QTGAL: variants seen among roughly 807,000 people sequenced by gnomAD.
QTGAL encodes the protein queuosine-tRNA galactosyltransferase.
chr17:83,021,777 T>G, the QTGAL span, among the ~76,000 whole-genome samples: 1 of 152,230 alleles, frequency 6.6e-6, no homozygotes, highest in African/African-American at 2.4e-5. Context: ...AAAGCTACAC[T>G]GTAGCTTTAT....
the QTGAL span, chr17:82,978,745 G>A: frequency 6.6e-6 from 1 of 152,108 alleles, no homozygotes; most frequent in Non-Finnish European, 1.5e-5. This position sits in a 1 kb window ranked among gnomAD's most constrained non-coding sequence, Gnocchi z 4.8. Context: ...AAGTTTCTCA[G>A]AATGCCCTTC....
the QTGAL span, among the ~76,000 whole-genome samples, chr17:82,971,696 C>CT: frequency 1.4e-4 from 2 of 13,968 alleles, no homozygotes; most frequent in African/African-American, 9.3e-4. Context: ...CCACACCACA[C>CT]CACAGGGGCC....
chr17:82,953,697 C>T, the QTGAL span, among the ~76,000 whole-genome samples: 1,149 of 152,028 alleles, frequency 7.6e-3, 16 homozygotes, highest in African/African-American at 0.026. Context: ...AGAGACACAA[C>T]AAAAAAAATT....
the QTGAL span, among the ~76,000 whole-genome samples, chr17:82,962,489 G>A: frequency 2.2e-3 from 324 of 144,042 alleles, no homozygotes; most frequent in African/African-American, 7.6e-3. Context: ...TGGTGGACAC[G>A]GACCCTCACA....
chr17:83,036,331 G>A, the QTGAL span, among the ~76,000 whole-genome samples: 9 of 152,344 alleles, frequency 5.9e-5, no homozygotes, highest in Admixed American at 1.3e-4. Flanking sequence ...TCTGTGCTGT[G>A]AGAAACTAGG....
the QTGAL span, among the ~76,000 whole-genome samples, chr17:82,997,797 C>G: frequency 1.3e-4 from 20 of 152,010 alleles, no homozygotes; most frequent in South Asian, 4.0e-3. Context: ...CATGTTCTCG[C>G]TTATTTGTGG....
chr17:83,006,479 T>TA, the QTGAL span: 1 of 984,882 alleles, frequency 1.0e-6, no homozygotes, highest in Non-Finnish European at 1.2e-6. This position sits in a 1 kb window ranked among gnomAD's most constrained non-coding sequence, Gnocchi z 5.8. Flanking sequence ...CCTCTGGTGG[T>TA]AACATCACGA....
At chr17:82,985,717 C>G in the QTGAL span, among the ~76,000 whole-genome samples, 1 of 152,156 alleles carries the variant, frequency 6.6e-6, no homozygotes, top group Non-Finnish European at 1.5e-5. Context: ...AGAGGAAAAC[C>G]AAAATCAGGA....
the QTGAL span, among the ~76,000 whole-genome samples, chr17:82,979,917 G>GAC: frequency 1.3e-5 from 2 of 152,220 alleles, no homozygotes; most frequent in African/African-American, 4.8e-5. Flanking sequence ...GGAACAGACA[G>GAC]ACCCACACTC....
At chr17:82,946,735 A>G in the QTGAL span, 4 of 633,884 alleles carry the variant, frequency 6.3e-6, no homozygotes, top group East Asian at 3.0e-5. Context: ...TGAATTATAC[A>G]TTACAGAAGA....
chr17:83,012,035 G>A, the QTGAL span, among the ~76,000 whole-genome samples: 2 of 59,476 alleles, frequency 3.4e-5, no homozygotes, highest in South Asian at 8.3e-4. Context: ...CACACGCCAC[G>A]AACTCCTCGT....
chr17:83,040,157 C>T, the QTGAL span, among the ~76,000 whole-genome samples: 6 of 152,176 alleles, frequency 3.9e-5, no homozygotes, highest in South Asian at 4.1e-4. Context: ...CCAATGCCCA[C>T]GCTGCACCCC....
At chr17:82,972,743 GATAGAAGGA>G in the QTGAL span, among the ~76,000 whole-genome samples, 1 of 135,412 alleles carries the variant, frequency 7.4e-6, no homozygotes, top group Admixed American at 7.1e-5. Flanking sequence ...CACCACAGGG[GATAGAAGGA>G]CCCAGTACTG....
chr17:83,050,081 C>T, the QTGAL span, among the ~76,000 whole-genome samples: 2 of 152,136 alleles, frequency 1.3e-5, no homozygotes, highest in Non-Finnish European at 2.9e-5. Flanking sequence ...AAGAATAAAA[C>T]GAGTTCTGGC....
chr17:82,967,709 G>A, the QTGAL span, among the ~76,000 whole-genome samples: 33 of 152,196 alleles, frequency 2.2e-4, no homozygotes, highest in African/African-American at 7.0e-4. Flanking sequence ...TTGGGAGTCC[G>A]AGGCGGGAGA....
At chr17:82,997,915 G>A in the QTGAL span, among the ~76,000 whole-genome samples, 1 of 102,478 alleles carries the variant, frequency 9.8e-6, no homozygotes, top group Non-Finnish European at 1.8e-5. Context: ...GAAGGTTAAT[G>A]GGTTTAAAAA....
the QTGAL span, among the ~76,000 whole-genome samples, chr17:82,972,145 TACTGACCACACCACACCACGG>T: frequency 1.7e-5 from 1 of 59,648 alleles, no homozygotes; most frequent in Non-Finnish European, 3.2e-5. Context: ...AAGGACCTGG[TACTGACCACACCACACCACGG>T]GCCAGAAGGA....
the QTGAL span, among the ~76,000 whole-genome samples, chr17:82,964,068 C>G: frequency 6.6e-6 from 1 of 150,800 alleles, no homozygotes; most frequent in Non-Finnish European, 1.5e-5. Flanking sequence ...TCGAGACCAG[C>G]CTGGGCAACA....
chr17:83,002,296 G>A, the QTGAL span, among the ~76,000 whole-genome samples: 1 of 152,130 alleles, frequency 6.6e-6, no homozygotes, highest in East Asian at 1.9e-4. Flanking sequence ...CTCTGACCGC[G>A]GTCTGGAGCT....
Sources: allele counts gnomAD v4.1 joint callset (sites outside exome capture counted in the v4.1 genomes callset), GRCh38; gene constraint gnomAD v4.1.1; non-coding constraint Gnocchi (gnomAD v3.1); transcripts MANE v1.5; gene names NCBI Gene and HGNC (gene_info 2026-07-23, HGNC 2026-07-21).